CELF4: variants seen among roughly 807,000 people sequenced by gnomAD.
CELF4 encodes CUG-BP- and ETR-3-like factor 4.
In CELF4, 18 loss-of-function variants were observed where a neutral mutation model predicts 59.9. The observed-to-expected ratio is 0.30, with a 90% CI of 0.21 to 0.45. The LOEUF is 0.45. Among genes scored for constraint, CELF4 ranks in the 20% least tolerant of loss-of-function variants. The pLI is 1.00. For missense variants in CELF4, 456 were observed against 689.0 expected, an observed-to-expected ratio of 0.66 and a Z score of 3.79; for synonymous variants, 261 against 267.1, an observed-to-expected ratio of 0.98 and a Z score of 0.22.
At chr18:37,371,745 C>T (rs2098888036) in intron 2 of CELF4, among the ~76,000 whole-genome samples, 1 of 152,206 alleles carries the variant, frequency 6.6e-6, no homozygotes, top group Non-Finnish European at 1.5e-5. Flanking sequence ...GGAATAAAAA[C>T]AGCCAGAGAG....
chr18:37,279,632 G>A (rs182517771), intron 3 of CELF4, among the ~76,000 whole-genome samples: 10 of 152,310 alleles, frequency 6.6e-5, no homozygotes, highest in Non-Finnish European at 1.3e-4. Context: ...GAAGCTGCTC[G>A]TTGGAACTGG....
chr18:37,476,577 A>G (rs892503018), intron 2 of CELF4, among the ~76,000 whole-genome samples: 21 of 152,320 alleles, frequency 1.4e-4, no homozygotes, highest in Non-Finnish European at 2.4e-4. Flanking sequence ...ATTATCACCC[A>G]GGCTTGCCCA....
At chr18:37,551,478 A>T (rs2154605888) in intron 1 of CELF4, among the ~76,000 whole-genome samples, 1 of 152,276 alleles carries the variant, frequency 6.6e-6, no homozygotes, top group East Asian at 1.9e-4. Context: ...TTCCAGCTGC[A>T]AGACCAGTGT....
intron 2 of CELF4, among the ~76,000 whole-genome samples, chr18:37,420,941 C>T (rs2099574132): frequency 6.6e-6 from 1 of 152,218 alleles, no homozygotes; most frequent in Admixed American, 6.5e-5. Context: ...AGTCCTGTTC[C>T]CATCCAATTC....
intron 2 of CELF4, among the ~76,000 whole-genome samples, chr18:37,478,705 C>T (rs1054520484): frequency 6.6e-6 from 1 of 152,138 alleles, no homozygotes; most frequent in Admixed American, 6.5e-5. Context: ...TAAGGGATAA[C>T]GTGGAAGAGC....
At chr18:37,375,118 G>T (rs1433872653) in intron 2 of CELF4, among the ~76,000 whole-genome samples, 3 of 152,196 alleles carry the variant, frequency 2.0e-5, no homozygotes, top group African/African-American at 7.2e-5. Context: ...TGTCTAGGTT[G>T]GGGTGGGGGC....
chr18:37,474,140 T>G (rs537926133), intron 2 of CELF4, among the ~76,000 whole-genome samples: 37 of 152,312 alleles, frequency 2.4e-4, no homozygotes, highest in Non-Finnish European at 4.3e-4. Flanking sequence ...CTCTGTGATG[T>G]GCAAAAAACC....
intron 11 of CELF4, among the ~76,000 whole-genome samples, chr18:37,258,387 G>A (rs956110212): frequency 1.3e-5 from 2 of 151,618 alleles, no homozygotes; most frequent in Non-Finnish European, 2.9e-5. Flanking sequence ...TTCTCCCCAC[G>A]TGGAGTTCCC....
At chr18:37,552,735 G>A (rs931869037) in intron 1 of CELF4, among the ~76,000 whole-genome samples, 1 of 152,252 alleles carries the variant, frequency 6.6e-6, no homozygotes, top group African/African-American at 2.4e-5. Flanking sequence ...AAGGGTACAG[G>A]AGCCTGGCTT....
intron 2 of CELF4, among the ~76,000 whole-genome samples, chr18:37,374,045 T>C (rs947820090): frequency 2.0e-5 from 3 of 151,858 alleles, no homozygotes; most frequent in African/African-American, 7.3e-5. Flanking sequence ...TGCACTGGAG[T>C]GGGCATTTTA....
At chr18:37,436,881 C>T (rs1270279367) in intron 2 of CELF4, among the ~76,000 whole-genome samples, 2 of 152,152 alleles carry the variant, frequency 1.3e-5, no homozygotes, top group Non-Finnish European at 2.9e-5. Flanking sequence ...TCATTTCCAC[C>T]CAAAAGTACA....
intron 2 of CELF4, among the ~76,000 whole-genome samples, chr18:37,404,232 C>T (rs187963579): frequency 1.3e-5 from 2 of 152,322 alleles, no homozygotes; most frequent in African/African-American, 4.8e-5. Context: ...TCCCCCAACC[C>T]CTGAAGCTCC....
At chr18:37,434,447 T>C (rs372841541) in intron 2 of CELF4, among the ~76,000 whole-genome samples, 4 of 152,186 alleles carry the variant, frequency 2.6e-5, no homozygotes, top group African/African-American at 9.6e-5. Flanking sequence ...CCAGTCACCT[T>C]CATGGGGCAA....
chr18:37,441,248 C>T (rs1338593837), intron 2 of CELF4, among the ~76,000 whole-genome samples: 2 of 151,642 alleles, frequency 1.3e-5, no homozygotes, highest in Non-Finnish European at 2.9e-5. Flanking sequence ...GCTGGCTCCT[C>T]CCTACCTCCC....
chr18:37,470,871 T>A lies in CELF4; in HGVS notation c.369+14654A>T, dbSNP rs1464648416. Among the ~76,000 whole-genome samples, 44 of 117,092 alleles carry A rather than the reference T, an allele frequency of 3.8e-4. 1 individual carries two copies. The highest frequency in any genetic ancestry group is 8.3e-4 in the African/African-American group (25 of 30,052). The allele number at this position is 117,092 out of a possible 152,430, so 76.8% of individuals were successfully genotyped here. On this transcript the variant is annotated intron_variant, in intron 2 of 12. Coordinates refer to ENST00000420428, the MANE Select transcript of CELF4 (RefSeq NM_020180.4). The stretch of plus-strand genomic sequence containing the variant: ...GTGTGTGTGTGTGTGTGTGTGTGTG[T>A]GTGTGTGTGTGTGTGTGACAGAGAG...
chr18:37,266,933 G>A (rs1189766765), intron 8 of CELF4, among the ~76,000 whole-genome samples: 1 of 151,524 alleles, frequency 6.6e-6, no homozygotes, highest in Non-Finnish European at 1.5e-5. Flanking sequence ...TGAGATGCTG[G>A]TGGTGGGGGG....
chr18:37,247,608 CAT>C (rs1477350465), intron 12 of CELF4: 3 of 152,288 alleles, frequency 2.0e-5, no homozygotes, highest in Admixed American at 1.3e-4. Flanking sequence ...AGCAGACAAA[CAT>C]GGGCACATCA....
At chr18:37,273,619 C>T in intron 6 of CELF4, 3 of 989,800 alleles carry the variant, frequency 3.0e-6, no homozygotes, top group Non-Finnish European at 3.6e-6. Flanking sequence ...CCCCAGGCAC[C>T]CCTAGTGTTG....
chr18:37,310,694 A>G (rs1353749461), intron 3 of CELF4, among the ~76,000 whole-genome samples: 1 of 152,068 alleles, frequency 6.6e-6, no homozygotes, highest in Admixed American at 6.5e-5. Flanking sequence ...CCCGTGTTTT[A>G]TCAGGCTGTT....
Sources: gnomAD v4.1 joint callset for allele counts (sites outside exome capture counted in the v4.1 genomes callset) on GRCh38, gnomAD v4.1.1 for gene constraint, MANE v1.5 for transcripts, NCBI Gene and HGNC (gene_info 2026-07-23, HGNC 2026-07-21) for gene names.